The following FAM228A variants were observed in gnomAD, a reference collection of about 807,000 sequenced individuals.
The protein encoded by FAM228A is family with sequence similarity 228 member A.
In FAM228A, 13 loss-of-function variants were observed where a neutral mutation model predicts 18.6. The observed-to-expected ratio is 0.70, with a 90% CI of 0.45 to 1.11. FAM228A has a LOEUF of 1.11. Ranked by LOEUF, FAM228A falls within the 50% of genes least tolerant of loss-of-function variation. The probability of loss-of-function intolerance (pLI) is 0.00; values close to 1 mark genes in which losing one functional copy is unlikely to be tolerated. For synonymous variants in FAM228A, 77 were observed against 86.6 expected, an observed-to-expected ratio of 0.89 and a Z score of 0.61; for missense variants, 240 against 242.2, an observed-to-expected ratio of 0.99 and a Z score of 0.06.
rs1668064385 is a variant in FAM228A, at chr2:24,190,747, T to C, written c.*116T>C. The stretch of plus-strand genomic sequence containing the variant: ...ATGGCGGTGGCCTCAGGCTCAGCAC[T>C]GCAGCTCTGACAGGGCCCCTCGGGC... On this transcript the variant is annotated 3_prime_UTR_variant, in exon 6 of 6. Coordinates refer to ENST00000295150, the MANE Select transcript of FAM228A (RefSeq NM_001040710.3). 7.2e-7 allele frequency: 1 copy of C among 1,383,508 alleles called. No homozygotes were observed. Among genetic ancestry groups the C allele is most frequent in the Non-Finnish European group, 9.4e-7 (1 of 1,064,500 alleles). 85.7% of individuals were successfully genotyped at this position (1,383,508 alleles called of 1,614,324 possible).
intron 5 of FAM228A, among the ~76,000 whole-genome samples, chr2:24,184,347 T>C (rs1040907409): frequency 4.1e-4 from 60 of 147,396 alleles, no homozygotes; most frequent in African/African-American, 1.5e-3. Flanking sequence ...GCCACTGCAC[T>C]CCAGCCTGGG....
chr2:24,177,764 C>A, intron 2 of FAM228A, 38 bp from the exon 3 acceptor site: 1 of 1,208,512 alleles, frequency 8.3e-7, no homozygotes, highest in Non-Finnish European at 1.2e-6. Context: ...TTTGTTTCTT[C>A]AGGATTCACA....
intron 2 of FAM228A, chr2:24,175,822 T>C (rs1468475002): frequency 1.6e-5 from 18 of 1,094,674 alleles, no homozygotes; most frequent in African/African-American, 3.2e-5. Context: ...CCACCCCAGC[T>C]CCCCGGCAGA....
intron 5 of FAM228A, among the ~76,000 whole-genome samples, chr2:24,185,957 C>T (rs1399972794): frequency 6.6e-6 from 1 of 151,964 alleles, no homozygotes; most frequent in Non-Finnish European, 1.5e-5. Context: ...TATTTGGCAA[C>T]CTTGCTAAAC....
intron 3 of FAM228A, among the ~76,000 whole-genome samples, chr2:24,182,382 G>A (rs1036423146): frequency 9.8e-5 from 15 of 152,314 alleles, no homozygotes; most frequent in Middle Eastern, 3.4e-3. Flanking sequence ...CATCTGGGGT[G>A]CTGGAGGCAG....
In FAM228A at chr2:24,191,095, T is replaced by G. The variant is rs1326955832; in HGVS notation, c.*464T>G. 36 of 985,986 alleles carry G rather than the reference T, an allele frequency of 3.7e-5. No individual in the cohort carries two copies. Among genetic ancestry groups the G allele is most frequent in the Non-Finnish European group, 4.2e-5 (35 of 830,300 alleles). The allele number at this position is 985,986 out of a possible 1,614,324, so 61.1% of individuals were successfully genotyped here. A position where few individuals can be genotyped will look rare whatever the true frequency, so the allele number is the denominator to read the frequency against. ...GATATTTAAAAGGTATTTTTATATG[T>G]AGGAATTTTCTGAGTATGGATTTCT... On this transcript the variant is annotated 3_prime_UTR_variant, in exon 6 of 6. Transcript: ENST00000295150.
chr2:24,182,564 C>T (rs1435691527), intron 3 of FAM228A, among the ~76,000 whole-genome samples: 2 of 152,160 alleles, frequency 1.3e-5, no homozygotes, highest in Non-Finnish European at 2.9e-5. Context: ...GACACAAACT[C>T]ATAGCTCTGG....
chr2:24,180,131 ATCTT>A (rs971672043), intron 3 of FAM228A, among the ~76,000 whole-genome samples: 68 of 151,756 alleles, frequency 4.5e-4, no homozygotes, highest in African/African-American at 1.5e-3. Context: ...GCACTACTGG[ATCTT>A]TCTTACCCCC....
chr2:24,180,225 T>A (rs1667783541), intron 3 of FAM228A, among the ~76,000 whole-genome samples: 1 of 147,478 alleles, frequency 6.8e-6, no homozygotes, highest in South Asian at 2.2e-4. Context: ...GAGGCTGAGG[T>A]GGATGGATTG....
intron 3 of FAM228A, among the ~76,000 whole-genome samples, chr2:24,181,559 T>C (rs1667816021): frequency 2.0e-5 from 3 of 152,258 alleles, no homozygotes; most frequent in African/African-American, 7.2e-5. Flanking sequence ...TAATTGTTTG[T>C]ATTTTTAGTA....
chr2:24,191,414 A>G lies in FAM228A; in HGVS notation c.*783A>G. Reference sequence around the variant, plus strand: ...ATCGCTGTCCCCGGTCTCTCCAGGGAGTAAGGGATTCTCCGTCTGTGGTAA... The same window carrying G: ...ATCGCTGTCCCCGGTCTCTCCAGGGGGTAAGGGATTCTCCGTCTGTGGTAA... On this transcript the variant is annotated 3_prime_UTR_variant, in exon 6 of 6. Coordinates refer to ENST00000295150, the MANE Select transcript of FAM228A (RefSeq NM_001040710.3). 1.0e-6 allele frequency: 1 copy of G among 985,432 alleles called. No homozygotes were observed. The highest frequency in any genetic ancestry group is 1.2e-6 in the Non-Finnish European group (1 of 829,938). The allele number at this position is 985,432 out of a possible 1,614,324, so 61.0% of individuals were successfully genotyped here.
intron 3 of FAM228A, among the ~76,000 whole-genome samples, chr2:24,180,291 C>CG (rs1553335786): frequency 7.5e-6 from 1 of 132,838 alleles, no homozygotes; most frequent in Non-Finnish European, 1.6e-5. Flanking sequence ...CCCGTCTGTA[C>CG]AAAAAAAAAA....
intron 5 of FAM228A, among the ~76,000 whole-genome samples, chr2:24,187,090 C>T (rs1363751250): frequency 6.6e-6 from 1 of 152,174 alleles, no homozygotes; most frequent in Non-Finnish European, 1.5e-5. Context: ...TCTCACTTTA[C>T]CCCACTTTCC....
In FAM228A at chr2:24,185,357, A is replaced by T. The variant is rs79527308; in HGVS notation, c.401+1712A>T. On this transcript the variant is annotated intron_variant, in intron 5 of 5. Transcript: ENST00000295150. ...GTTCTCTATCCTAGCCTATTTGTTT[A>T]CTATAGCTTTTTAATGAGTTTTGAT... Among the ~76,000 whole-genome samples the T allele has an allele frequency of 8.6e-3, 1,316 of 152,238 alleles. 5 individuals carry two copies. Among genetic ancestry groups the T allele is most frequent in the Non-Finnish European group, 0.013 (874 of 68,024 alleles).
At position 24,183,883 on chromosome 2, in the gene FAM228A, C is replaced by T. The variant is rs575727403; in HGVS notation, c.401+238C>T. ...CCATTTCAAGAAAGGGAGCCTGCCC[C>T]CTCCCGAGACAGTCTTCTCCCTGCC... On this transcript the variant is annotated intron_variant, in intron 5 of 5. Transcript: ENST00000295150. Among the ~76,000 whole-genome samples the T allele has an allele frequency of 1.6e-4, 24 of 152,274 alleles. No homozygotes were observed. The South Asian group carries it at 2.1e-3, about 13-fold the overall frequency.
chr2:24,177,937 G>A, intron 3 of FAM228A, 67 bp downstream of exon 3: 1 of 968,892 alleles, frequency 1.0e-6, no homozygotes, highest in Non-Finnish European at 1.6e-6. Flanking sequence ...AGAACAACAT[G>A]GCCAAGAGTT....
At chr2:24,175,634 C>T in intron 2 of FAM228A, 61 bp downstream of exon 2, 1 of 1,242,634 alleles carries the variant, frequency 8.0e-7, no homozygotes, top group Non-Finnish European at 1.2e-6. Context: ...AGTTTGGGAA[C>T]TGTTTATCTT....
Position 24,191,329 on chromosome 2 carries a change from G to A in FAM228A, c.*698G>A, listed in dbSNP as rs1166610481. 2.0e-6 allele frequency: 2 copies of A among 985,684 alleles called. No individual in the cohort carries two copies. The highest frequency in any genetic ancestry group is 1.2e-6 in the Non-Finnish European group (1 of 830,132). The allele number at this position is 985,684 out of a possible 1,614,324, so 61.1% of individuals were successfully genotyped here. A position where few individuals can be genotyped will look rare whatever the true frequency, so the allele number is the denominator to read the frequency against. ...CACACACACAGGATGGGGGACTGCT[G>A]CTGCTTTCCAGCCTGTGAGCCTGGA... On this transcript the variant is annotated 3_prime_UTR_variant, in exon 6 of 6. Transcript: ENST00000295150.
At chr2:24,185,942 AT>A (rs1667938543) in intron 5 of FAM228A, among the ~76,000 whole-genome samples, 1 of 152,170 alleles carries the variant, frequency 6.6e-6, no homozygotes, top group African/African-American at 2.4e-5. Context: ...CATATGTTGA[AT>A]TTGTATTTGG....
Sources: gnomAD v4.1 joint callset for allele counts (sites outside exome capture counted in the v4.1 genomes callset) on GRCh38, gnomAD v4.1.1 for gene constraint, MANE v1.5 for transcripts, NCBI Gene and HGNC (gene_info 2026-07-23, HGNC 2026-07-21) for gene names.